The following KMT2A variants were observed in gnomAD, a reference collection of about 807,000 sequenced individuals.
KMT2A encodes the protein lysine methyltransferase 2A.
A neutral mutation model predicts 345.3 loss-of-function variants in KMT2A; 16 were observed. That is an observed-to-expected ratio of 0.05 (90% CI 0.03 to 0.07). KMT2A has a LOEUF of 0.07. Among genes scored for constraint, KMT2A ranks in the 10% least tolerant of loss-of-function variants. The pLI, the probability that KMT2A is intolerant of heterozygous loss-of-function variation, is 1.00. For missense variants in KMT2A, 3,272 were observed against 4,841.6 expected (o/e 0.68, Z 9.62); for synonymous variants, 1,599 against 1,778.6 (o/e 0.90, Z 2.54).
chr11:118,518,803 C>T (rs1372761171), intron 31 of KMT2A, among the ~76,000 whole-genome samples: 10 of 125,268 alleles, frequency 8.0e-5, no homozygotes, highest in Non-Finnish European at 1.3e-4. Context: ...AAAAGCCGGG[C>T]GCGGTGGCTC....
intron 3 of KMT2A, among the ~76,000 whole-genome samples, chr11:118,475,272 ATTGTT>A (rs1161391037): frequency 6.6e-6 from 1 of 150,722 alleles, no homozygotes; most frequent in Non-Finnish European, 1.5e-5. Context: ...TTTTTTTTTT[ATTGTT>A]TTGTTTATTT....
Position 118,495,779 on chromosome 11 carries a change from A to T in KMT2A, c.5443A>T (p.Ser1815Cys), listed in dbSNP as rs782761989. ...YAQWQEREEN[S>C]HTEQPPLMKK... is the part of the protein sequence containing the mutation. ...TCAGTGGCAGGAGCGAGAGGAAAAC[A>T]GCCACACTGAGCAGCCTCCTTTAAT... Residue 1815 changes from serine (S) to cysteine (C), a missense_variant, in exon 19 of 36, where the codon AGC becomes TGC. Coordinates refer to ENST00000534358, the MANE Select transcript of KMT2A (RefSeq NM_001197104.2). This position sits in a 1 kb window ranked among gnomAD's most constrained non-coding sequence, Gnocchi z 4.1. 1 of 1,614,008 alleles carries T rather than the reference A, an allele frequency of 6.2e-7. No individual in the cohort carries two copies. The highest frequency in any genetic ancestry group is 1.3e-5 in the African/African-American group (1 of 74,934).
chr11:118,505,373 C>T lies in KMT2A; in HGVS notation c.9481C>T (p.His3161Tyr). 6.2e-7 allele frequency: 1 copy of T among 1,614,184 alleles called. No homozygotes were observed. Among genetic ancestry groups the T allele is most frequent in the Non-Finnish European group, 8.5e-7 (1 of 1,180,010 alleles). ...TAGCAAAGGATTGCTACCCATGTCTCATCACCAGCACTTACATTCCTTCCC... is the reference window on the plus strand; with the variant it reads ...TAGCAAAGGATTGCTACCCATGTCTTATCACCAGCACTTACATTCCTTCCC... ...SASKGLLPMSHHQHLHSFPAA... is the reference protein window; with the variant it reads ...SASKGLLPMSYHQHLHSFPAA... Residue 3161 changes from histidine (H) to tyrosine (Y), a missense_variant, in exon 27 of 36, where the codon CAT becomes TAT. Coordinates refer to ENST00000534358, the MANE Select transcript of KMT2A (RefSeq NM_001197104.2). This position sits in a 1 kb window ranked among gnomAD's most constrained non-coding sequence, Gnocchi z 4.6.
At position 118,503,474 on chromosome 11, in the gene KMT2A, A is replaced by G. The variant is rs1555046691; in HGVS notation, c.7582A>G (p.Thr2528Ala). The G allele has an allele frequency of 1.2e-6, 2 of 1,614,198 alleles. No homozygotes were observed. The highest frequency in any genetic ancestry group is 1.7e-6 in the Non-Finnish European group (2 of 1,180,026). ...GAAACGCACAGTCAAAGTGACACTG[A>G]CACCTCTAAAAATGGAAAATGAGAG... ...PRKRTVKVTL[T>A]PLKMENESQS... The change falls in exon 27 of 36, where the codon ACA becomes GCA. Residue 2528 changes from threonine (T) to alanine (A), a missense_variant. By Grantham distance (58) the Thr-to-Ala change is moderately conservative (BLOSUM62 0). This residue lies in a region of KMT2A where 445 missense variants were observed against 500.9 expected (regional missense o/e 0.89). Transcript: ENST00000534358. The surrounding 1 kb of genome is among the most constrained non-coding windows in gnomAD (Gnocchi z 5.3).
intron 1 of KMT2A, among the ~76,000 whole-genome samples, chr11:118,442,563 C>T (rs1370002374): frequency 6.6e-6 from 1 of 152,172 alleles, no homozygotes; most frequent in Non-Finnish European, 1.5e-5. Flanking sequence ...GAAGACAAGA[C>T]AATCAGATGA....
Position 118,523,937 on chromosome 11 carries a change from T to C in KMT2A, c.*1765T>C, listed in dbSNP as rs912105452. The C allele has an allele frequency of 9.9e-6, 2 of 202,654 alleles. No homozygotes were observed. Among genetic ancestry groups the C allele is most frequent in the Non-Finnish European group, 2.0e-5 (2 of 98,740 alleles). 12.6% of individuals were successfully genotyped at this position (202,654 alleles called of 1,614,324 possible). ...AGCTCCTCAAAAGGCTACAGTAATA[T>C]CTTGATACAACAGATTCTCTTCTTT... is the stretch of plus-strand genomic sequence containing the variant. On this transcript the variant is annotated 3_prime_UTR_variant, in exon 36 of 36. Coordinates refer to ENST00000534358, the MANE Select transcript of KMT2A (RefSeq NM_001197104.2).
chr11:118,508,268 A>G (rs1035580401), intron 28 of KMT2A, among the ~76,000 whole-genome samples: 12 of 152,328 alleles, frequency 7.9e-5, no homozygotes, highest in Admixed American at 3.3e-4. Context: ...AATACTGTAC[A>G]TACTGTTCTG....
At position 118,436,857 on chromosome 11, in the gene KMT2A, G is replaced by T. The variant is rs1949195108; in HGVS notation, c.345G>T (p.Ala115=). Residue 115 remains alanine (A), a synonymous_variant, in exon 1 of 36, where the codon GCG becomes GCT. Coordinates refer to ENST00000534358, the MANE Select transcript of KMT2A (RefSeq NM_001197104.2). The surrounding 1 kb of genome is among the most constrained non-coding windows in gnomAD (Gnocchi z 6.9). ...GGGTGGGCCCGGGCTTCGACGCGGC[G>T]CTGCAGGTCTCGGCCGCCATCGGCA... is the stretch of plus-strand genomic sequence containing the variant. ...LLRVGPGFDA[A]LQVSAAIGTN... is the part of the protein sequence containing the mutation. The T allele has an allele frequency of 1.3e-6, 2 of 1,599,548 alleles. No individual in the cohort carries two copies. The highest frequency in any genetic ancestry group is 1.7e-6 in the Non-Finnish European group (2 of 1,173,826).
At chr11:118,492,395 C>T (rs1342669012) in intron 15 of KMT2A, among the ~76,000 whole-genome samples, 3 of 152,172 alleles carry the variant, frequency 2.0e-5, no homozygotes, top group Non-Finnish European at 2.9e-5. Context: ...AAGAACCACA[C>T]GGGGCCGGGC....
intron 1 of KMT2A, among the ~76,000 whole-genome samples, chr11:118,458,849 A>G (rs185140096): frequency 1.3e-5 from 2 of 152,138 alleles, no homozygotes; most frequent in African/African-American, 4.8e-5. Context: ...TGCCTCCTGG[A>G]TATTTCTTCA....
Position 118,502,848 on chromosome 11 carries a change from C to T in KMT2A, c.6956C>T (p.Ser2319Leu), listed in dbSNP as rs782078278. Residue 2319 changes from serine to leucine, a missense_variant, in exon 27 of 36, where the codon TCA becomes TTA. By Grantham distance (145) the Ser-to-Leu change is moderately radical. This residue lies in a region of KMT2A where 445 missense variants were observed against 500.9 expected (regional missense o/e 0.89). Transcript: ENST00000534358. The surrounding 1 kb of genome is among the most constrained non-coding windows in gnomAD (Gnocchi z 4.9). ...ACCAAAGTGCTGAGTTCCAAGAGCT[C>T]AGAGGGATCTGCACATAATGTGGCT... is the stretch of plus-strand genomic sequence containing the variant. ...EKTKVLSSKS[S>L]EGSAHNVAYP... is the part of the protein sequence containing the mutation. 6.2e-7 allele frequency: 1 copy of T among 1,614,162 alleles called. No individual in the cohort carries two copies. The highest frequency in any genetic ancestry group is 8.5e-7 in the Non-Finnish European group (1 of 1,180,040).
Position 118,473,820 on chromosome 11 carries a change from G to T in KMT2A, c.2661G>T (p.Glu887Asp). 6.2e-7 allele frequency: 1 copy of T among 1,614,184 alleles called. No individual in the cohort carries two copies. The highest frequency in any genetic ancestry group is 1.3e-5 in the African/African-American group (1 of 75,048). Residue 887 changes from glutamate to aspartate, a missense_variant, in exon 3 of 36, where the codon GAG becomes GAT. This residue lies in a region of KMT2A where 209 missense variants were observed against 237.4 expected (regional missense o/e 0.88). Transcript: ENST00000534358. This position sits in a 1 kb window ranked among gnomAD's most constrained non-coding sequence, Gnocchi z 5.2. ...DREREKENKR[E>D]SRKEKRKKGS... The stretch of plus-strand genomic sequence containing the variant: ...AGAGAGAAAAGGAGAATAAGCGGGA[G>T]TCAAGGAAAGAGAAAAGGAAAAAGG...
rs1425169355 is a variant in KMT2A, at chr11:118,522,419, T to C, written c.*247T>C. 1.1e-5 allele frequency: 5 copies of C among 471,842 alleles called. No individual in the cohort carries two copies. The highest frequency in any genetic ancestry group is 1.9e-5 in the Non-Finnish European group (5 of 259,880). The allele number at this position is 471,842 out of a possible 1,614,324, so 29.2% of individuals were successfully genotyped here. A position where few individuals can be genotyped will look rare whatever the true frequency, so the allele number is the denominator to read the frequency against. ...TCCTGGGGCCCCTCCAATTGTTTAC[T>C]GTTAGAAAGTGGGAATGGGGTCCCT... On this transcript the variant is annotated 3_prime_UTR_variant, in exon 36 of 36. Transcript: ENST00000534358. The surrounding 1 kb of genome is among the most constrained non-coding windows in gnomAD (Gnocchi z 5.4).
At chr11:118,461,840 G>A (rs1355810430) in intron 1 of KMT2A, among the ~76,000 whole-genome samples, 1 of 152,212 alleles carries the variant, frequency 6.6e-6, no homozygotes, top group Non-Finnish European at 1.5e-5. Context: ...CTCTTACCTT[G>A]TTTCCAACCT....
intron 31 of KMT2A, among the ~76,000 whole-genome samples, chr11:118,518,405 GCTA>G (rs1334674904): frequency 1.3e-5 from 2 of 152,168 alleles, no homozygotes; most frequent in African/African-American, 4.8e-5. Context: ...GAACAAAGCA[GCTA>G]CTGAGTGTAT....
chr11:118,483,059 C>T (rs1055203640), intron 8 of KMT2A, among the ~76,000 whole-genome samples: 3 of 151,464 alleles, frequency 2.0e-5, no homozygotes, highest in Non-Finnish European at 4.4e-5. Flanking sequence ...ATGGTGAAAC[C>T]CTGTCTCTAC....
chr11:118,443,817 C>T (rs540332959), intron 1 of KMT2A, among the ~76,000 whole-genome samples: 5 of 152,184 alleles, frequency 3.3e-5, no homozygotes, highest in Admixed American at 1.3e-4. Flanking sequence ...TGGGCAGCAT[C>T]GGTCCAGTAG....
In KMT2A at chr11:118,451,343, C is replaced by T. The variant is rs146850350; in HGVS notation, c.432+14399C>T. 5.3e-5 allele frequency among the ~76,000 whole-genome samples: 8 copies of T among 151,932 alleles called. No individual in the cohort carries two copies. The East Asian group carries it at 1.6e-3, about 30-fold the overall frequency. On this transcript the variant is annotated intron_variant, in intron 1 of 35. Transcript: ENST00000534358. ...CCTCCTTCCTCAGCCTCCTGAGTAG[C>T]TGGGACCATAGGCTCACAACACCAT...
At chr11:118,445,539 G>A (rs1340716645) in intron 1 of KMT2A, among the ~76,000 whole-genome samples, 2 of 152,230 alleles carry the variant, frequency 1.3e-5, no homozygotes, top group Non-Finnish European at 2.9e-5. Context: ...GTGTCAGCTT[G>A]AGGAGAATGA....
Sources: gnomAD v4.1 joint callset for allele counts (sites outside exome capture counted in the v4.1 genomes callset) on GRCh38, gnomAD v4.1.1 for gene constraint, gnomAD v4.1.1 regional missense constraint, Gnocchi (gnomAD v3.1) non-coding constraint, MANE v1.5 for transcripts, NCBI Gene and HGNC (gene_info 2026-07-23, HGNC 2026-07-21) for gene names.